IMMP2L: variants seen among roughly 807,000 people sequenced by gnomAD.
IMMP2L encodes inner mitochondrial membrane peptidase subunit 2, also known as mitochondrial inner membrane protease subunit 2.
A neutral mutation model predicts 19.3 loss-of-function variants in IMMP2L; 18 were observed. That is an observed-to-expected ratio of 0.93 (90% CI 0.64 to 1.38). IMMP2L has a LOEUF of 1.38. Ranked by LOEUF, IMMP2L falls within the 40% of genes most tolerant of loss-of-function variation. The probability of loss-of-function intolerance (pLI) is 0.00; values close to 1 mark genes in which losing one functional copy is unlikely to be tolerated. For missense variants in IMMP2L, 233 were observed against 218.2 expected, an observed-to-expected ratio of 1.07 and a Z score of -0.43; for synonymous variants, 76 against 73.0, an observed-to-expected ratio of 1.04 and a Z score of -0.21.
chr7:111,340,088 G>GA (rs1277537267), intron 3 of IMMP2L, among the ~76,000 whole-genome samples: 1 of 151,500 alleles, frequency 6.6e-6, no homozygotes, highest in African/African-American at 2.4e-5. Context: ...AGTACATGTG[G>GA]AAAAAATAGA....
chr7:111,409,525 TTAAATTACC>T (rs1390030591), intron 3 of IMMP2L, among the ~76,000 whole-genome samples: 1 of 151,760 alleles, frequency 6.6e-6, no homozygotes, highest in Non-Finnish European at 1.5e-5. Flanking sequence ...GCAAGTAAAA[TTAAATTACC>T]TAAAGGGTAT....
At chr7:111,062,498 T>C (rs1390378454) in intron 3 of IMMP2L, among the ~76,000 whole-genome samples, 1 of 152,138 alleles carries the variant, frequency 6.6e-6, no homozygotes. Flanking sequence ...TCTTCACATT[T>C]CAAAACCAAT....
chr7:111,226,347 A>G (rs1224153864), intron 3 of IMMP2L, among the ~76,000 whole-genome samples: 1 of 151,412 alleles, frequency 6.6e-6, no homozygotes, highest in Non-Finnish European at 1.5e-5. Context: ...TTATTTTTTT[A>G]TTTTACAGAC....
chr7:111,093,274 A>G (rs1285417624), intron 3 of IMMP2L, among the ~76,000 whole-genome samples: 1 of 152,188 alleles, frequency 6.6e-6, no homozygotes, highest in Non-Finnish European at 1.5e-5. Flanking sequence ...CAAATGCCAC[A>G]TGCAATCTAT....
rs150460066 is a variant in IMMP2L, at chr7:111,011,895, T to C, written c.240-48330A>G. 2.0e-3 allele frequency among the ~76,000 whole-genome samples: 298 copies of C among 152,240 alleles called. 1 individual carries two copies. The highest frequency in any genetic ancestry group is 3.5e-3 in the Non-Finnish European group (235 of 68,014). ...TAGGAGAGCGAGCACAAAATTCTTA[T>C]GACATTGCCATTTCCTGCCATCCTG... On this transcript the variant is annotated intron_variant, in intron 3 of 5. Coordinates refer to ENST00000405709, the MANE Select transcript of IMMP2L (RefSeq NM_032549.4).
At chr7:110,987,149 T>G (rs554153953) in intron 3 of IMMP2L, among the ~76,000 whole-genome samples, 1 of 152,264 alleles carries the variant, frequency 6.6e-6, no homozygotes, top group East Asian at 1.9e-4. Context: ...AGGTACTAAC[T>G]TAAAATTCAA....
chr7:111,535,978 T>A lies in IMMP2L; in HGVS notation c.-2-14529A>T, dbSNP rs555052952. Among the ~76,000 whole-genome samples the A allele has an allele frequency of 2.0e-5, 3 of 152,230 alleles. No individual in the cohort carries two copies. In the East Asian group the frequency reaches 5.8e-4, roughly 29 times the overall value. On this transcript the variant is annotated intron_variant, in intron 1 of 5. Transcript: ENST00000405709. ...TGGTGGGGAAGGTTTAAGATGAGCC[T>A]GAAACATTTTCTTTGGCCACTAAGA...
intron 3 of IMMP2L, among the ~76,000 whole-genome samples, chr7:111,465,505 A>AC (rs1375533890): frequency 1.4e-4 from 21 of 149,652 alleles, no homozygotes; most frequent in African/African-American, 4.7e-4. Context: ...TGTCACTAAA[A>AC]AAAAAAAAAA....
intron 3 of IMMP2L, among the ~76,000 whole-genome samples, chr7:111,283,970 CA>C (rs972346409): frequency 0.011 from 553 of 48,640 alleles, 1 homozygote; most frequent in South Asian, 0.073. Context: ...GACTCCGTCT[CA>C]AAAAAAAAAA....
chr7:111,335,452 T>C (rs1475510443), intron 3 of IMMP2L, among the ~76,000 whole-genome samples: 2 of 152,068 alleles, frequency 1.3e-5, no homozygotes, highest in African/African-American at 2.4e-5. Flanking sequence ...AGGTTAATAT[T>C]ATATAGAACA....
In IMMP2L at chr7:110,886,922, G is replaced by A. The variant is rs568372051; in HGVS notation, c.306-227C>T. 3.9e-5 allele frequency among the ~76,000 whole-genome samples: 6 copies of A among 152,176 alleles called. No individual in the cohort carries two copies. In the South Asian group the frequency reaches 1.2e-3, roughly 32 times the overall value. ...ATAGGTAAGAATTTTGTGCTTAGAT[G>A]AAATGTATTGGCACTAAATATAATG... On this transcript the variant is annotated intron_variant, in intron 4 of 5. Coordinates refer to ENST00000405709, the MANE Select transcript of IMMP2L (RefSeq NM_032549.4).
At chr7:110,833,613 G>T (rs1447257788) in intron 5 of IMMP2L, among the ~76,000 whole-genome samples, 1 of 152,042 alleles carries the variant, frequency 6.6e-6, no homozygotes, top group Non-Finnish European at 1.5e-5. Flanking sequence ...AGCTTTTTCA[G>T]AAGTTCAATA....
At chr7:111,426,775 G>A (rs932057849) in intron 3 of IMMP2L, among the ~76,000 whole-genome samples, 1 of 151,128 alleles carries the variant, frequency 6.6e-6, no homozygotes, top group African/African-American at 2.4e-5. Context: ...TGCAAGATGT[G>A]GATATCACTG....
At chr7:111,444,096 G>C (rs1363678820) in intron 3 of IMMP2L, among the ~76,000 whole-genome samples, 1 of 152,000 alleles carries the variant, frequency 6.6e-6, no homozygotes, top group Non-Finnish European at 1.5e-5. Context: ...AAATCACTTT[G>C]TCACTTGAGA....
intron 5 of IMMP2L, among the ~76,000 whole-genome samples, chr7:110,871,623 G>A (rs799625): frequency 0.67 from 101,013 of 151,868 alleles, 35,193 homozygotes; most frequent in African/African-American, 0.87. Flanking sequence ...TAATCTTTCA[G>A]AGCCCAGGTG....
At chr7:110,969,963 C>T (rs1252101659) in intron 3 of IMMP2L, among the ~76,000 whole-genome samples, 1 of 152,054 alleles carries the variant, frequency 6.6e-6, no homozygotes, top group African/African-American at 2.4e-5. Flanking sequence ...GATGAAACAA[C>T]AACAGAATGA....
intron 3 of IMMP2L, among the ~76,000 whole-genome samples, chr7:111,328,377 T>A (rs193257577): frequency 3.3e-5 from 5 of 151,760 alleles, no homozygotes; most frequent in Non-Finnish European, 7.4e-5. Context: ...GCCCACAGAA[T>A]GATACTTAGA....
rs539946907 is a variant in IMMP2L at position 111,185,253 on chromosome 7, T to G, written c.240-221688A>C. ...CTGAGACATAAACAATCAAATCTACTCTGTGGTTGGATTTTTCAGCTCTAC... is the reference window on the plus strand; with the variant it reads ...CTGAGACATAAACAATCAAATCTACGCTGTGGTTGGATTTTTCAGCTCTAC... On this transcript the variant is annotated intron_variant, in intron 3 of 5. Transcript: ENST00000405709. Among the ~76,000 whole-genome samples the G allele has an allele frequency of 3.3e-5, 5 of 152,300 alleles. No homozygotes were observed. In the East Asian group the frequency reaches 9.6e-4, roughly 29 times the overall value.
Position 110,706,112 on chromosome 7 carries a change from T to A in IMMP2L, c.409-42391A>T, listed in dbSNP as rs563256673. 4.6e-5 allele frequency among the ~76,000 whole-genome samples: 7 copies of A among 152,222 alleles called. No homozygotes were observed. In the South Asian group the frequency reaches 1.5e-3, roughly 32 times the overall value. On this transcript the variant is annotated intron_variant, in intron 5 of 5. Transcript: ENST00000405709. ...GGATTACTGGGTCAAATGGTAGTACTGTATTTTAGAGATGGGGTCTTACTC... is the reference window on the plus strand; with the variant it reads ...GGATTACTGGGTCAAATGGTAGTACAGTATTTTAGAGATGGGGTCTTACTC...
Sources: allele counts gnomAD v4.1 joint callset (sites outside exome capture counted in the v4.1 genomes callset), GRCh38; gene constraint gnomAD v4.1.1; transcripts MANE v1.5; gene names NCBI Gene and HGNC (gene_info 2026-07-23, HGNC 2026-07-21).